GPM6B: variants seen among roughly 807,000 people sequenced by gnomAD.
GPM6B encodes glycoprotein M6B.
A neutral mutation model predicts 27.2 loss-of-function variants in GPM6B; 4 were observed. The ratio of observed to expected loss-of-function variants is 0.15; its 90% confidence interval spans 0.07 to 0.34. The LOEUF is 0.34. GPM6B is among the 10% of genes least tolerant of loss of function. The pLI, the probability that GPM6B is intolerant of heterozygous loss-of-function variation, is 1.00. For missense variants in GPM6B, 183 were observed against 261.9 expected, an observed-to-expected ratio of 0.70 and a Z score of 2.08; for synonymous variants, 124 against 103.1, an observed-to-expected ratio of 1.20 and a Z score of -1.23.
intron 1 of GPM6B, among the ~76,000 whole-genome samples, chrX:13,903,438 T>C (rs1024139431): frequency 6.3e-5 from 7 of 111,965 alleles, no homozygotes; most frequent in African/African-American, 2.3e-4. Context: ...AATTTACCAA[T>C]GAGGAAATTG....
At chrX:13,830,038 T>A (rs1031594850) in intron 1 of GPM6B, among the ~76,000 whole-genome samples, 1 of 110,835 alleles carries the variant, frequency 9.0e-6, no homozygotes, top group Non-Finnish European at 1.9e-5. Context: ...TCATTTTATC[T>A]TCGAACCTGT....
chrX:13,785,112 T>C (rs1441738381), intron 3 of GPM6B, among the ~76,000 whole-genome samples: 1 of 111,598 alleles, frequency 9.0e-6, no homozygotes, highest in Non-Finnish European at 1.9e-5. Flanking sequence ...CAAGTAACAT[T>C]CCACCCTGGG....
chrX:13,847,133 G>A (rs5934131), intron 1 of GPM6B, among the ~76,000 whole-genome samples: 42,671 of 110,314 alleles, frequency 0.39, 6,414 homozygotes, highest in Non-Finnish European at 0.47. Flanking sequence ...GAGACCTTAT[G>A]AAATCATTAG....
intron 1 of GPM6B, among the ~76,000 whole-genome samples, chrX:13,936,619 A>G (rs1162499249): frequency 8.9e-6 from 1 of 112,358 alleles, no homozygotes; most frequent in East Asian, 2.8e-4. Flanking sequence ...ACATGAAGGG[A>G]ACTTTCTTTT....
intron 1 of GPM6B, among the ~76,000 whole-genome samples, chrX:13,911,039 T>C (rs1424883558): frequency 5.4e-5 from 6 of 112,076 alleles, no homozygotes; most frequent in Non-Finnish European, 1.1e-4. Context: ...TAACACTCAA[T>C]CATGCAAAGG....
upstream of GPM6B, among the ~76,000 whole-genome samples, chrX:13,819,505 A>C (rs1039284193): frequency 4.4e-5 from 5 of 112,420 alleles, no homozygotes; most frequent in African/African-American, 1.6e-4. Context: ...CTGAAAGCCA[A>C]AACAGGAATA....
intron 1 of GPM6B, among the ~76,000 whole-genome samples, chrX:13,829,585 A>AG (rs778087714): frequency 1.8e-5 from 2 of 110,557 alleles, no homozygotes; most frequent in Admixed American, 9.6e-5. Flanking sequence ...CTGGATTTCT[A>AG]GGGGCACTCC....
At chrX:13,806,068 A>C (rs2049016512) in intron 2 of GPM6B, among the ~76,000 whole-genome samples, 1 of 111,609 alleles carries the variant, frequency 9.0e-6, no homozygotes, top group African/African-American at 3.3e-5. Context: ...TATACAATTC[A>C]ATGACTTTGA....
At chrX:13,926,440 C>A (rs28722503) in intron 1 of GPM6B, among the ~76,000 whole-genome samples, 224 of 18,470 alleles carry the variant, frequency 0.012, 1 homozygote, top group African/African-American at 0.048. Context: ...AAAAAAAACA[C>A]ACAAAAAAAG....
At chrX:13,847,781 T>C (rs1187004903) in intron 1 of GPM6B, among the ~76,000 whole-genome samples, 1 of 112,237 alleles carries the variant, frequency 8.9e-6, no homozygotes, top group Non-Finnish European at 1.9e-5. Context: ...TCTCACTTTC[T>C]AGATAAGATT....
intron 7 of GPM6B, among the ~76,000 whole-genome samples, chrX:13,775,093 G>A (rs1269702663): frequency 1.8e-5 from 2 of 112,199 alleles, no homozygotes; most frequent in African/African-American, 6.5e-5. Context: ...TTTACAAGCA[G>A]CTGAGATTTT....
At chrX:13,814,471 G>T (rs2049196660) in intron 1 of GPM6B, among the ~76,000 whole-genome samples, 1 of 111,915 alleles carries the variant, frequency 8.9e-6, no homozygotes, top group Admixed American at 9.4e-5. Flanking sequence ...ATAAAAAACG[G>T]ATCCACCAGC....
chrX:13,846,200 C>A (rs886691944), intron 1 of GPM6B, among the ~76,000 whole-genome samples: 1 of 110,485 alleles, frequency 9.1e-6, no homozygotes, highest in Non-Finnish European at 1.9e-5. Context: ...TTCTGAATTC[C>A]CACCCACGCA....
intron 1 of GPM6B, among the ~76,000 whole-genome samples, chrX:13,857,981 A>G (rs371594239): frequency 5.3e-5 from 6 of 112,781 alleles, no homozygotes; most frequent in Admixed American, 1.9e-4. Context: ...CTGAAAGAAT[A>G]CCAGGAAGCA....
intron 1 of GPM6B, among the ~76,000 whole-genome samples, chrX:13,811,143 C>T (rs751095878): frequency 8.9e-6 from 1 of 111,854 alleles, no homozygotes; most frequent in East Asian, 2.8e-4. Context: ...AAAATGTTCC[C>T]CCTAAGAGAG....
intron 7 of GPM6B, among the ~76,000 whole-genome samples, chrX:13,775,022 AG>A (rs1347263407): frequency 8.9e-6 from 1 of 111,879 alleles, no homozygotes; most frequent in East Asian, 2.8e-4. Flanking sequence ...ATGATTTTAA[AG>A]GTGGTTTTTT....
intron 5 of GPM6B, among the ~76,000 whole-genome samples, chrX:13,779,173 C>T (rs111334293): frequency 0.056 from 6,268 of 111,735 alleles, 408 homozygotes; most frequent in African/African-American, 0.18. Context: ...CCCAAATTAA[C>T]TGACAGGAGG....
intron 7 of GPM6B, among the ~76,000 whole-genome samples, chrX:13,774,865 C>G (rs2048380827): frequency 8.9e-6 from 1 of 111,895 alleles, no homozygotes; most frequent in Admixed American, 9.5e-5. Context: ...GGATGCGTTT[C>G]AAGAATAACA....
intron 1 of GPM6B, among the ~76,000 whole-genome samples, chrX:13,865,681 C>G (rs1296957759): frequency 1.9e-5 from 2 of 107,040 alleles, no homozygotes; most frequent in Non-Finnish European, 3.9e-5. Context: ...CACTTGAGTC[C>G]AAGAGGTCAA....
Sources: gnomAD v4.1 joint callset for allele counts (sites outside exome capture counted in the v4.1 genomes callset) on GRCh38, gnomAD v4.1.1 for gene constraint, MANE v1.5 for transcripts, NCBI Gene and HGNC (gene_info 2026-07-23, HGNC 2026-07-21) for gene names.